GOLGA1: variants seen among roughly 807,000 people sequenced by gnomAD.
The protein encoded by GOLGA1 is golgin A1.
In GOLGA1, 63 loss-of-function variants were observed where a neutral mutation model predicts 119.7. The ratio of observed to expected loss-of-function variants is 0.53; its 90% CI spans 0.43 to 0.65. The LOEUF is 0.65. Ranked by LOEUF, GOLGA1 falls within the 30% of genes least tolerant of loss-of-function variation. The pLI is 0.00. For missense variants in GOLGA1, 798 were observed against 912.8 expected (o/e 0.87, Z 1.62); for synonymous variants, 318 against 333.4 (o/e 0.95, Z 0.50).
chr9:124,910,049 C>G (rs776369497), intron 11 of GOLGA1, among the ~76,000 whole-genome samples: 9 of 152,166 alleles, frequency 5.9e-5, no homozygotes, highest in Non-Finnish European at 7.4e-5. Context: ...CCTCCCTCAG[C>G]CTCCGGAGTA....
chr9:124,923,574 A>T (rs906042094), intron 7 of GOLGA1, among the ~76,000 whole-genome samples: 1 of 152,214 alleles, frequency 6.6e-6, no homozygotes, highest in Non-Finnish European at 1.5e-5. Flanking sequence ...CTTTAACTAG[A>T]GAATTTAATT....
At position 124,921,229 on chromosome 9, in the gene GOLGA1, A is replaced by C; in HGVS notation, c.743T>G (p.Ile248Arg). Reference sequence around the variant, plus strand: ...ACTTTCTGCACCTGTTTTTGAAGCTATCACATGATCTCTTCATCAAAAGAA... The same window carrying C: ...ACTTTCTGCACCTGTTTTTGAAGCTCTCACATGATCTCTTCATCAAAAGAA... ...STLEEQRDHV[I>R]ASKTGAESKI... The change falls in exon 10 of 23, where the codon ATA becomes AGA. Residue 248 changes from isoleucine to arginine, a missense_variant. By Grantham distance (97) the Ile-to-Arg change is moderately conservative. Coordinates refer to ENST00000373555, the MANE Select transcript of GOLGA1 (RefSeq NM_002077.4). The C allele has an allele frequency of 6.3e-7, 1 of 1,599,130 alleles. No individual in the cohort carries two copies. Among genetic ancestry groups the C allele is most frequent in the Non-Finnish European group, 8.6e-7 (1 of 1,166,460 alleles).
chr9:124,917,062 T>C (rs1195058151), intron 10 of GOLGA1, among the ~76,000 whole-genome samples: 1 of 151,878 alleles, frequency 6.6e-6, no homozygotes, highest in Non-Finnish European at 1.5e-5. Flanking sequence ...TTTAGAAAAA[T>C]ACCTACAGAA....
chr9:124,882,454 C>T, intron 20 of GOLGA1, 56 bp downstream of exon 20: 2 of 1,311,478 alleles, frequency 1.5e-6, no homozygotes, highest in South Asian at 1.2e-5. Flanking sequence ...GAGGACCGGG[C>T]ACAGGCAGCA....
At chr9:124,920,114 C>A (rs1444970516) in intron 10 of GOLGA1, among the ~76,000 whole-genome samples, 1 of 151,950 alleles carries the variant, frequency 6.6e-6, no homozygotes, top group Non-Finnish European at 1.5e-5. Context: ...TGCACGCCAC[C>A]ACACCCAGCC....
chr9:124,885,784 G>A (rs1375684525), intron 19 of GOLGA1, among the ~76,000 whole-genome samples: 1 of 152,122 alleles, frequency 6.6e-6, no homozygotes, highest in Non-Finnish European at 1.5e-5. Context: ...ACACCACACA[G>A]GGCTTTGCGG....
At chr9:124,895,083 G>GA (rs1178970011) in intron 15 of GOLGA1, among the ~76,000 whole-genome samples, 1 of 146,132 alleles carries the variant, frequency 6.8e-6, no homozygotes, top group African/African-American at 2.6e-5. Flanking sequence ...CCACAACAAA[G>GA]AACCACCCAC....
Position 124,938,658 on chromosome 9 carries a change from C to A in GOLGA1, c.54G>T (p.Arg18Ser), listed in dbSNP as rs115481057. ...KIAEETAVAQRPGGATRIPRS... is the reference protein window; with the variant it reads ...KIAEETAVAQSPGGATRIPRS... ...GTGGGATCCTAGTAGCACCTCCTGG[C>A]CTCTGAGCAACAGCAGTCTCTTCTG... Residue 18 changes from arginine to serine, a missense_variant, in exon 3 of 23, where the codon AGG (arginine) becomes AGT (serine). Physicochemically the swap from Arg to Ser is moderately radical, Grantham distance 110. Transcript: ENST00000373555. 1.2e-4 allele frequency: 187 copies of A among 1,613,132 alleles called. 3 individuals are homozygous for A. In the African/African-American group the frequency reaches 2.1e-3, roughly 19 times the overall value.
intron 7 of GOLGA1, among the ~76,000 whole-genome samples, chr9:124,923,687 C>T (rs1830614389): frequency 1.3e-5 from 2 of 150,218 alleles, no homozygotes; most frequent in Non-Finnish European, 3.0e-5. Context: ...CAGGATCTTG[C>T]TCTGTTATCC....
At chr9:124,886,491 T>C (rs898439775) in intron 19 of GOLGA1, among the ~76,000 whole-genome samples, 1 of 152,120 alleles carries the variant, frequency 6.6e-6, no homozygotes. Flanking sequence ...AAGAGTGTTT[T>C]TCTGTGGAGT....
At chr9:124,894,383 TG>T (rs1157081792) in intron 15 of GOLGA1, among the ~76,000 whole-genome samples, 19 of 34,958 alleles carry the variant, frequency 5.4e-4, no homozygotes, top group East Asian at 3.4e-3. Flanking sequence ...TAAAGTTTTG[TG>T]TGTGTGTGTG....
intron 10 of GOLGA1, among the ~76,000 whole-genome samples, 181 bp from the exon 11 acceptor site, chr9:124,912,207 C>T (rs2131454669): frequency 6.6e-6 from 1 of 152,244 alleles, no homozygotes; most frequent in South Asian, 2.1e-4. Context: ...CCTGGCAAAA[C>T]TCAGGGATCC....
chr9:124,903,268 A>G (rs148571097), intron 12 of GOLGA1, among the ~76,000 whole-genome samples: 1 of 152,306 alleles, frequency 6.6e-6, no homozygotes, highest in African/African-American at 2.4e-5. Flanking sequence ...CGGGTGGATC[A>G]CTTGAGGCCA....
chr9:124,910,150 C>T (rs1275147221), intron 11 of GOLGA1, among the ~76,000 whole-genome samples: 4 of 151,974 alleles, frequency 2.6e-5, no homozygotes, highest in African/African-American at 7.3e-5. Flanking sequence ...AGGATGGTCT[C>T]GATCTCCTGA....
At chr9:124,896,890 C>A in intron 15 of GOLGA1, among the ~76,000 whole-genome samples, 1 of 152,078 alleles carries the variant, frequency 6.6e-6, no homozygotes, top group Non-Finnish European at 1.5e-5. Context: ...TGTGATCACA[C>A]CACTGCACTC....
At chr9:124,897,270 C>T (rs1400995904) in intron 15 of GOLGA1, among the ~76,000 whole-genome samples, 1 of 152,280 alleles carries the variant, frequency 6.6e-6, no homozygotes, top group East Asian at 1.9e-4. Flanking sequence ...TAATTTGTAA[C>T]TTGGTTACCA....
At chr9:124,931,964 A>T (rs1830778893) in intron 3 of GOLGA1, among the ~76,000 whole-genome samples, 1 of 152,238 alleles carries the variant, frequency 6.6e-6, no homozygotes, top group Non-Finnish European at 1.5e-5. Flanking sequence ...AGATTATTTT[A>T]AAATAAATGA....
At chr9:124,906,407 G>A (rs1830233039) in intron 12 of GOLGA1, among the ~76,000 whole-genome samples, 1 of 151,586 alleles carries the variant, frequency 6.6e-6, no homozygotes, top group Admixed American at 6.6e-5. Context: ...CTCCAGCCTG[G>A]GCGACAGAGT....
At chr9:124,897,099 AT>A (rs780677144) in intron 15 of GOLGA1, among the ~76,000 whole-genome samples, 4 of 152,020 alleles carry the variant, frequency 2.6e-5, no homozygotes, top group Non-Finnish European at 5.9e-5. Context: ...TGTATTTGTT[AT>A]TTCTTCAGTC....
Sources: gnomAD v4.1 joint callset for allele counts (sites outside exome capture counted in the v4.1 genomes callset) on GRCh38, gnomAD v4.1.1 for gene constraint, MANE v1.5 for transcripts, NCBI Gene and HGNC (gene_info 2026-07-23, HGNC 2026-07-21) for gene names.